Variants in HS3ST4 observed in about 807,000 individuals in gnomAD.
HS3ST4 encodes the protein heparan sulfate glucosamine 3-O-sulfotransferase 4.
A neutral mutation model predicts 29.2 loss-of-function variants in HS3ST4; 17 were observed. The ratio of observed to expected loss-of-function variants is 0.58; its 90% CI spans 0.40 to 0.87. HS3ST4 has a LOEUF of 0.87. Among genes scored for constraint, HS3ST4 ranks in the 40% least tolerant of loss-of-function variants. The pLI, the probability that HS3ST4 is intolerant of heterozygous loss-of-function variation, is 0.00. For synonymous variants in HS3ST4, 314 were observed against 285.7 expected (o/e 1.10, Z -1.00); for missense variants, 627 against 634.5 (o/e 0.99, Z 0.13).
intron 1 of HS3ST4, among the ~76,000 whole-genome samples, chr16:26,058,839 T>C (rs1397321515): frequency 6.6e-6 from 1 of 152,162 alleles, no homozygotes; most frequent in East Asian, 1.9e-4. Flanking sequence ...GGTGAGGTCC[T>C]AGAAGTAGAA....
At chr16:25,828,399 G>A (rs1967258544) in intron 1 of HS3ST4, among the ~76,000 whole-genome samples, 1 of 147,414 alleles carries the variant, frequency 6.8e-6, no homozygotes. Context: ...GGAGTGCAGT[G>A]TCATGATCTC....
chr16:26,017,817 G>T (rs963357725), intron 1 of HS3ST4, among the ~76,000 whole-genome samples: 1 of 152,146 alleles, frequency 6.6e-6, no homozygotes, highest in African/African-American at 2.4e-5. Flanking sequence ...TAAGAGAAGA[G>T]CCTGGGAACA....
At chr16:25,715,817 A>G (rs1458454129) in intron 1 of HS3ST4, among the ~76,000 whole-genome samples, 2 of 152,192 alleles carry the variant, frequency 1.3e-5, no homozygotes, top group Non-Finnish European at 2.9e-5. Context: ...GATTTGCCCT[A>G]TAGGGGGATT....
intron 1 of HS3ST4, among the ~76,000 whole-genome samples, chr16:26,065,323 G>C (rs757362722): frequency 3.3e-5 from 5 of 152,188 alleles, no homozygotes; most frequent in Non-Finnish European, 7.3e-5. Context: ...GTCCTTTGCA[G>C]GGACATGGAT....
intron 1 of HS3ST4, among the ~76,000 whole-genome samples, chr16:26,093,919 A>G (rs966254396): frequency 1.3e-5 from 2 of 152,234 alleles, no homozygotes; most frequent in Non-Finnish European, 2.9e-5. Flanking sequence ...AAGATCTTAA[A>G]TGACCTGATG....
At chr16:25,814,994 C>T (rs537318728) in intron 1 of HS3ST4, among the ~76,000 whole-genome samples, 6 of 152,300 alleles carry the variant, frequency 3.9e-5, no homozygotes, top group South Asian at 2.1e-4. Flanking sequence ...AGAAATTAGA[C>T]CTGCAGGATT....
At chr16:25,911,514 T>G (rs1968239462) in intron 1 of HS3ST4, among the ~76,000 whole-genome samples, 6 of 144,322 alleles carry the variant, frequency 4.2e-5, no homozygotes, top group Admixed American at 2.8e-4. Context: ...TTTTTTTTTT[T>G]TTTTTTTTTT....
intron 1 of HS3ST4, among the ~76,000 whole-genome samples, chr16:25,934,769 T>C (rs561878612): frequency 3.2e-4 from 49 of 152,252 alleles, no homozygotes; most frequent in African/African-American, 1.2e-3. Context: ...TTGCCAGGTA[T>C]TTGGGATTTT....
intron 1 of HS3ST4, among the ~76,000 whole-genome samples, chr16:25,914,628 GGTGTGTGT>G (rs150718719): frequency 1.3e-5 from 2 of 149,038 alleles, no homozygotes; most frequent in South Asian, 4.2e-4. Context: ...GGGTGTGTGT[GGTGTGTGT>G]GTGTGTGTGC....
At position 26,037,971 on chromosome 16, in the gene HS3ST4, C is replaced by T. The variant is rs115780848; in HGVS notation, c.735-97641C>T. Among the ~76,000 whole-genome samples the T allele has an allele frequency of 2.0e-3, 312 of 152,256 alleles. 1 individual carries two copies. The highest frequency in any genetic ancestry group is 3.9e-3 in the African/African-American group (161 of 41,550). On this transcript the variant is annotated intron_variant, in intron 1 of 1. Coordinates refer to ENST00000331351, the MANE Select transcript of HS3ST4 (RefSeq NM_006040.3). ...GCATATAACAGATCAGGCCACTTGCCGGGTCAAAAGCCTCCAATGACTCCC... is the reference window on the plus strand; with the variant it reads ...GCATATAACAGATCAGGCCACTTGCTGGGTCAAAAGCCTCCAATGACTCCC...
At chr16:25,720,627 G>C (rs535677626) in intron 1 of HS3ST4, among the ~76,000 whole-genome samples, 1 of 152,100 alleles carries the variant, frequency 6.6e-6, no homozygotes, top group Admixed American at 6.6e-5. Flanking sequence ...GAATCCCATT[G>C]TGCAAGCCGG....
chr16:25,910,858 C>T (rs991548299), intron 1 of HS3ST4, among the ~76,000 whole-genome samples: 10 of 152,114 alleles, frequency 6.6e-5, no homozygotes, highest in South Asian at 4.2e-4. Flanking sequence ...GGAGGTCAGA[C>T]GGGACAGCCT....
intron 1 of HS3ST4, among the ~76,000 whole-genome samples, chr16:25,780,823 G>A (rs369556225): frequency 1.3e-5 from 2 of 152,300 alleles, no homozygotes; most frequent in East Asian, 3.9e-4. Flanking sequence ...CATGATTTGT[G>A]TGATGTCATC....
At chr16:26,018,361 G>A (rs1305340444) in intron 1 of HS3ST4, among the ~76,000 whole-genome samples, 3 of 152,214 alleles carry the variant, frequency 2.0e-5, no homozygotes, top group Admixed American at 2.0e-4. Flanking sequence ...GGAACTAACA[G>A]TAAGAAACCA....
At chr16:26,027,865 T>C (rs1435744058) in intron 1 of HS3ST4, among the ~76,000 whole-genome samples, 1 of 152,214 alleles carries the variant, frequency 6.6e-6, no homozygotes, top group East Asian at 1.9e-4. Context: ...AATGGCTGAC[T>C]CCATGGTCTT....
intron 1 of HS3ST4, among the ~76,000 whole-genome samples, chr16:25,969,012 G>A (rs1596630357): frequency 6.6e-6 from 1 of 152,220 alleles, no homozygotes; most frequent in East Asian, 1.9e-4. Context: ...CAGAGACGGG[G>A]GTTTCACCAT....
intron 1 of HS3ST4, among the ~76,000 whole-genome samples, chr16:25,863,327 C>G (rs9924880): frequency 6.6e-6 from 1 of 151,866 alleles, no homozygotes; most frequent in Non-Finnish European, 1.5e-5. Flanking sequence ...CTGATCTGCC[C>G]GCTTCAGCCT....
At chr16:25,857,223 G>A (rs1427407377) in intron 1 of HS3ST4, among the ~76,000 whole-genome samples, 1 of 152,096 alleles carries the variant, frequency 6.6e-6, no homozygotes, top group African/African-American at 2.4e-5. Flanking sequence ...ATGCCTCCAG[G>A]AGCTTCTTCT....
At chr16:26,038,123 T>C (rs1268075100) in intron 1 of HS3ST4, among the ~76,000 whole-genome samples, 2 of 152,118 alleles carry the variant, frequency 1.3e-5, no homozygotes, top group African/African-American at 2.4e-5. Flanking sequence ...CTCTGCTCCA[T>C]CCACATGGTC....
Sources: gnomAD v4.1 joint callset for allele counts (sites outside exome capture counted in the v4.1 genomes callset) on GRCh38, gnomAD v4.1.1 for gene constraint, MANE v1.5 for transcripts, NCBI Gene and HGNC (gene_info 2026-07-23, HGNC 2026-07-21) for gene names.